Variants in NT5C2 observed in about 807,000 individuals in gnomAD.
NT5C2 encodes the protein cytosolic purine 5'-nucleotidase.
NT5C2 carries 58 observed loss-of-function variants against 76.1 expected under a neutral mutation model. The ratio of observed to expected loss-of-function variants is 0.76; its 90% CI spans 0.62 to 0.95. The LOEUF is 0.95. NT5C2 is among the 40% of genes least tolerant of loss of function. NT5C2 has a pLI of 0.00. For missense variants in NT5C2, 478 were observed against 690.3 expected (o/e 0.69, Z 3.45); for synonymous variants, 229 against 237.4 (o/e 0.96, Z 0.32).
intron 4 of NT5C2, among the ~76,000 whole-genome samples, chr10:103,127,426 G>A (rs758818879): frequency 1.6e-4 from 25 of 152,198 alleles, no homozygotes; most frequent in Admixed American, 6.5e-5. Flanking sequence ...TGGTGATAAA[G>A]GAATCTTCTC....
chr10:103,095,739 C>T (rs546758941), intron 12 of NT5C2, among the ~76,000 whole-genome samples, 200 bp downstream of exon 12: 3 of 152,208 alleles, frequency 2.0e-5, no homozygotes, highest in East Asian at 1.9e-4. Context: ...ATTCAAGTTG[C>T]GGACTCTAAA....
intron 4 of NT5C2, among the ~76,000 whole-genome samples, chr10:103,137,219 T>C (rs1373981750): frequency 1.5e-5 from 2 of 135,100 alleles, no homozygotes; most frequent in Non-Finnish European, 3.3e-5. Context: ...GAAGAGACTA[T>C]AGATTTTCTT....
intron 3 of NT5C2, among the ~76,000 whole-genome samples, chr10:103,157,960 C>A (rs2083805782): frequency 6.6e-6 from 1 of 152,046 alleles, no homozygotes; most frequent in African/African-American, 2.4e-5. Context: ...GTAGCCCCAG[C>A]TACTCAGGAG....
chr10:103,097,747 G>A (rs1199114678), intron 10 of NT5C2, among the ~76,000 whole-genome samples: 1 of 152,186 alleles, frequency 6.6e-6, no homozygotes, highest in Non-Finnish European at 1.5e-5. Flanking sequence ...ATTTAAACAT[G>A]CTCTACATAG....
chr10:103,168,121 C>A (rs2086866278), intron 3 of NT5C2, among the ~76,000 whole-genome samples: 1 of 150,906 alleles, frequency 6.6e-6, no homozygotes, highest in Non-Finnish European at 1.5e-5. Context: ...AAAAAAACTT[C>A]AGATATATAA....
intron 1 of NT5C2, among the ~76,000 whole-genome samples, chr10:103,188,401 T>C (rs2092303559): frequency 6.6e-6 from 1 of 151,720 alleles, no homozygotes; most frequent in Non-Finnish European, 1.5e-5. Context: ...CAGAAAAAAA[T>C]ACGCACTGTC....
chr10:103,184,691 C>G (rs1049592506), intron 1 of NT5C2, among the ~76,000 whole-genome samples: 2 of 152,178 alleles, frequency 1.3e-5, no homozygotes, highest in African/African-American at 4.8e-5. Context: ...GCAGAAGTCC[C>G]TTTTAATACT....
At chr10:103,126,430 T>TAA (rs1420586299) in intron 4 of NT5C2, among the ~76,000 whole-genome samples, 2 of 152,132 alleles carry the variant, frequency 1.3e-5, no homozygotes, top group East Asian at 3.8e-4. Flanking sequence ...GAGACCAGCC[T>TAA]CGTCAATATG....
chr10:103,156,819 A>T (rs1426483648), intron 3 of NT5C2, among the ~76,000 whole-genome samples: 1 of 151,798 alleles, frequency 6.6e-6, no homozygotes, highest in Non-Finnish European at 1.5e-5. Flanking sequence ...GCACTTTGGG[A>T]GGCCGAGGCA....
At chr10:103,128,223 G>A (rs1483055425) in intron 4 of NT5C2, among the ~76,000 whole-genome samples, 4 of 149,980 alleles carry the variant, frequency 2.7e-5, no homozygotes, top group African/African-American at 4.9e-5. Flanking sequence ...TTGCAGGCAC[G>A]CGCCGCCACG....
intron 4 of NT5C2, among the ~76,000 whole-genome samples, chr10:103,126,742 C>G (rs181038031): frequency 2.6e-5 from 4 of 152,216 alleles, no homozygotes; most frequent in Admixed American, 2.6e-4. Flanking sequence ...CATCTGTACT[C>G]GACAGACAAA....
At chr10:103,151,520 G>GA (rs2082407242) in intron 3 of NT5C2, among the ~76,000 whole-genome samples, 1 of 150,612 alleles carries the variant, frequency 6.6e-6, no homozygotes, top group African/African-American at 2.4e-5. Flanking sequence ...CTTCATTGCT[G>GA]AAAATCAATT....
intron 4 of NT5C2, among the ~76,000 whole-genome samples, chr10:103,133,270 A>C (rs2078576216): frequency 6.6e-6 from 1 of 151,692 alleles, no homozygotes; most frequent in African/African-American, 2.4e-5. Flanking sequence ...TAAGTCCATT[A>C]AACTTTTTTT....
chr10:103,165,072 G>C (rs1252875137), intron 3 of NT5C2, among the ~76,000 whole-genome samples: 1 of 152,194 alleles, frequency 6.6e-6, no homozygotes, highest in East Asian at 1.9e-4. Flanking sequence ...CGTAAGAAAA[G>C]GTGTCACTGT....
chr10:103,121,120 G>A (rs2075574378), intron 4 of NT5C2, among the ~76,000 whole-genome samples: 2 of 152,186 alleles, frequency 1.3e-5, no homozygotes, highest in Non-Finnish European at 2.9e-5. Flanking sequence ...TAGCAACTGA[G>A]GGGTGGAGGG....
chr10:103,136,066 G>A (rs1054356350), intron 4 of NT5C2, among the ~76,000 whole-genome samples: 1 of 152,122 alleles, frequency 6.6e-6, no homozygotes, highest in African/African-American at 2.4e-5. Context: ...CAGCCTGGGA[G>A]ACAGAGCGAG....
At chr10:103,185,663 AG>A (rs142825356) in intron 1 of NT5C2, among the ~76,000 whole-genome samples, 5 of 144,176 alleles carry the variant, frequency 3.5e-5, no homozygotes, top group African/African-American at 5.3e-5. Flanking sequence ...AAAAAAAAAA[AG>A]GAAAAAAAAA....
chr10:103,153,340 G>GAT (rs1244863797), intron 3 of NT5C2: 1 of 1,276,866 alleles, frequency 7.8e-7, no homozygotes, highest in Admixed American at 2.4e-5. Context: ...GAGAATACAG[G>GAT]ATCAACAAAC....
At position 103,129,637 on chromosome 10, in the gene NT5C2, C is replaced by A. The variant is rs1266541777; in HGVS notation, c.175+9769G>T. Among the ~76,000 whole-genome samples, 66 of 95,480 alleles carry A rather than the reference C, an allele frequency of 6.9e-4. 1 individual carries two copies. Among genetic ancestry groups the A allele is most frequent in the Non-Finnish European group, 1.4e-3 (62 of 43,060 alleles). The allele number at this position is 95,480 out of a possible 152,430, so 62.6% of individuals were successfully genotyped here. On this transcript the variant is annotated intron_variant, in intron 4 of 18. Transcript: ENST00000404739. ...GGGAGGGAGGTGGGGGGGGGTCAGC[C>A]CCCCCGCCCGGCCAGCCGCCCTGTC... is the stretch of plus-strand genomic sequence containing the variant.
Sources: gnomAD v4.1 joint callset for allele counts (sites outside exome capture counted in the v4.1 genomes callset) on GRCh38, gnomAD v4.1.1 for gene constraint, MANE v1.5 for transcripts, NCBI Gene and HGNC (gene_info 2026-07-23, HGNC 2026-07-21) for gene names.